Variants in M1AP observed in about 807,000 individuals in gnomAD.
M1AP encodes the protein meiosis 1 associated protein, also known as meiosis 1 arrest protein.
Under a neutral mutation model 51.2 loss-of-function variants are expected in M1AP, and 39 were observed. The ratio of observed to expected loss-of-function variants is 0.76; its 90% confidence interval spans 0.59 to 1.00. The LOEUF (loss-of-function observed/expected upper bound fraction) is 1.00. Among genes scored for constraint, M1AP ranks in the 50% least tolerant of loss-of-function variants. The pLI is 0.00. For synonymous variants in M1AP, 251 were observed against 249.2 expected (o/e 1.01, Z -0.07); for missense variants, 545 against 641.2 (o/e 0.85, Z 1.62).
At chr2:74,640,449 G>T (rs1308543549) in intron 1 of M1AP, 122 bp from the exon 2 acceptor site, 4 of 780,918 alleles carry the variant, frequency 5.1e-6, no homozygotes, top group Admixed American at 6.1e-5. Flanking sequence ...ACTAAAGCTT[G>T]TCCAGGCCAT....
rs1397619207 is a variant in M1AP, at chr2:74,576,443, C to T, written c.932+13G>A. 6 of 1,612,792 alleles carry T rather than the reference C, an allele frequency of 3.7e-6. No individual in the cohort carries two copies. The Admixed American group carries it at 5.0e-5, about 13-fold the overall frequency. ...GCATTTGCATGGATTGGGGAGGTTC[C>T]CTTGGACCATACTTGATCACTTGGA... On this transcript the variant is annotated intron_variant, in intron 6 of 10. Transcript: ENST00000421985.
At chr2:74,614,797 T>C (rs1481736620) in intron 3 of M1AP, among the ~76,000 whole-genome samples, 167 bp downstream of exon 3, 3 of 152,234 alleles carry the variant, frequency 2.0e-5, no homozygotes, top group African/African-American at 7.2e-5. Context: ...GTACAGGTTA[T>C]AGGAAGAAGA....
intron 2 of M1AP, among the ~76,000 whole-genome samples, chr2:74,627,521 T>C (rs1682470290): frequency 6.6e-6 from 1 of 152,180 alleles, no homozygotes; most frequent in Non-Finnish European, 1.5e-5. Flanking sequence ...TAGAATACTT[T>C]TATTTTTATT....
chr2:74,588,053 G>A (rs183462980), intron 4 of M1AP, among the ~76,000 whole-genome samples: 1 of 152,276 alleles, frequency 6.6e-6, no homozygotes, highest in Admixed American at 6.5e-5. Context: ...TAGAGGCCCA[G>A]GAAAGTAGAG....
intron 8 of M1AP, among the ~76,000 whole-genome samples, chr2:74,560,727 G>A (rs894341348): frequency 2.0e-5 from 3 of 152,156 alleles, no homozygotes; most frequent in African/African-American, 7.2e-5. Context: ...AAGGGAGGAG[G>A]GGATACAGGA....
chr2:74,585,203 T>C (rs998242914), intron 4 of M1AP, among the ~76,000 whole-genome samples: 5 of 152,220 alleles, frequency 3.3e-5, no homozygotes, highest in African/African-American at 4.8e-5. Flanking sequence ...TGGCCAGAAA[T>C]GCAGCACAGA....
At chr2:74,561,532 G>A (rs752276733) in intron 8 of M1AP, among the ~76,000 whole-genome samples, 2 of 152,072 alleles carry the variant, frequency 1.3e-5, no homozygotes, top group East Asian at 3.9e-4. Context: ...AGACACACTC[G>A]GGCACAAAAA....
intron 7 of M1AP, among the ~76,000 whole-genome samples, chr2:74,566,649 C>CT (rs1558647962): frequency 6.9e-6 from 1 of 145,428 alleles, no homozygotes; most frequent in African/African-American, 2.5e-5. Flanking sequence ...CTATCCCCCC[C>CT]ACCCGCCCAG....
At chr2:74,613,073 C>T (rs1231791507) in intron 3 of M1AP, among the ~76,000 whole-genome samples, 7 of 152,234 alleles carry the variant, frequency 4.6e-5, no homozygotes, top group South Asian at 2.1e-4. Flanking sequence ...TACAAATAAG[C>T]CCATCACAGA....
chr2:74,613,488 G>GT (rs1681488461), intron 3 of M1AP, among the ~76,000 whole-genome samples: 1 of 152,208 alleles, frequency 6.6e-6, no homozygotes, highest in African/African-American at 2.4e-5. Context: ...GTGTTCCTCA[G>GT]TTTTTTCTCT....
chr2:74,598,621 CTTTT>C lies in M1AP; in HGVS notation c.595+8430_595+8433del, dbSNP rs534856535. On this transcript the variant is annotated intron_variant, in intron 4 of 10. Coordinates refer to ENST00000421985, the MANE Select transcript of M1AP (RefSeq NM_001321739.2). ...TTGTAATATTTATTCTGTATATCAA[CTTTT>C]TTTTTTTTTTTTTTTTTGAGACAGA... Among the ~76,000 whole-genome samples the C allele has an allele frequency of 8.1e-3, 926 of 114,410 alleles. 9 individuals are homozygous for C. Among genetic ancestry groups the C allele is most frequent in the African/African-American group, 0.034 (878 of 25,792 alleles). 75.1% of individuals were successfully genotyped at this position (114,410 alleles called of 152,430 possible).
intron 3 of M1AP, among the ~76,000 whole-genome samples, chr2:74,610,517 T>C (rs1482485832): frequency 6.6e-6 from 1 of 152,216 alleles, no homozygotes; most frequent in Non-Finnish European, 1.5e-5. Flanking sequence ...GGTATGATCA[T>C]AGCTCACTGC....
At chr2:74,559,963 C>T (rs1475198691) in intron 9 of M1AP, among the ~76,000 whole-genome samples, 188 bp downstream of exon 9, 1 of 152,180 alleles carries the variant, frequency 6.6e-6, no homozygotes, top group African/African-American at 2.4e-5. Context: ...ATGTAAATGC[C>T]CTAGCAAACA....
chr2:74,646,270 G>C (rs1683610014), intron 1 of M1AP, among the ~76,000 whole-genome samples: 1 of 152,158 alleles, frequency 6.6e-6, no homozygotes. Context: ...GAGGAAACTA[G>C]CCGATAAAAG....
intron 2 of M1AP, among the ~76,000 whole-genome samples, chr2:74,637,334 T>C (rs1683043157): frequency 6.6e-6 from 1 of 152,226 alleles, no homozygotes; most frequent in Non-Finnish European, 1.5e-5. Flanking sequence ...CTTAGCTTTT[T>C]GAACACATGG....
chr2:74,574,653 A>G (rs1361319358), intron 7 of M1AP, among the ~76,000 whole-genome samples: 1 of 152,228 alleles, frequency 6.6e-6, no homozygotes, highest in Non-Finnish European at 1.5e-5. Context: ...TGTTTCCCTA[A>G]GTCCAAATCC....
chr2:74,578,895 CAT>C (rs754198105), intron 5 of M1AP, among the ~76,000 whole-genome samples: 22 of 152,150 alleles, frequency 1.4e-4, no homozygotes, highest in Non-Finnish European at 2.1e-4. Flanking sequence ...CAGAAATCTA[CAT>C]GTGTGGCAAT....
intron 4 of M1AP, among the ~76,000 whole-genome samples, chr2:74,602,215 TC>T (rs914600270): frequency 1.3e-5 from 2 of 152,216 alleles, no homozygotes; most frequent in Non-Finnish European, 2.9e-5. Flanking sequence ...TGTTTTTTTT[TC>T]AATCATTCAT....
At chr2:74,609,466 A>C (rs564377056) in intron 3 of M1AP, among the ~76,000 whole-genome samples, 1 of 152,324 alleles carries the variant, frequency 6.6e-6, no homozygotes, top group South Asian at 2.1e-4. Context: ...CCATTGATAG[A>C]CACTCAGGTT....
Sources: allele counts gnomAD v4.1 joint callset (sites outside exome capture counted in the v4.1 genomes callset), GRCh38; gene constraint gnomAD v4.1.1; transcripts MANE v1.5; gene names NCBI Gene and HGNC (gene_info 2026-07-23, HGNC 2026-07-21).